The following ELAPOR2 variants were observed in gnomAD, a reference collection of about 807,000 sequenced individuals.
The protein encoded by ELAPOR2 is endosome/lysosome-associated apoptosis and autophagy regulator family member 2.
ELAPOR2 carries 89 observed loss-of-function variants against 120.7 expected under a neutral mutation model. The observed-to-expected ratio is 0.74, with a 90% CI of 0.62 to 0.88. The LOEUF is 0.88. ELAPOR2 is among the 40% of genes least tolerant of loss of function. The probability of loss-of-function intolerance (pLI) is 0.00; values close to 1 mark genes in which losing one functional copy is unlikely to be tolerated. For missense variants in ELAPOR2, 1,134 were observed against 1,251.6 expected (o/e 0.91, Z 1.42); for synonymous variants, 444 against 444.9 (o/e 1.00, Z 0.03).
At chr7:86,977,151 T>C (rs1792309576) in intron 1 of ELAPOR2, among the ~76,000 whole-genome samples, 1 of 152,242 alleles carries the variant, frequency 6.6e-6, no homozygotes, top group South Asian at 2.1e-4. Flanking sequence ...ATATCAATCA[T>C]TGTGCTAAGT....
At chr7:86,939,968 A>G in intron 6 of ELAPOR2, 42 bp downstream of exon 6, 1 of 1,223,908 alleles carries the variant, frequency 8.2e-7, no homozygotes, top group Non-Finnish European at 1.2e-6. Context: ...ACTAACTGTA[A>G]GATGTGACTG....
In ELAPOR2 at chr7:86,913,108, C is replaced by T. The variant is rs778431064; in HGVS notation, c.1828G>A (p.Gly610Ser). The change falls in exon 14 of 22, where the codon GGT becomes AGT. Residue 610 changes from glycine to serine, a missense_variant. Gly to Ser is a moderately conservative substitution (Grantham distance 56). Transcript: ENST00000450689. ...CACGATGAACCCGACTGTTCAGAAC[C>T]GAGGGCACAGGCACGGCATGAGGAC... The part of the protein sequence containing the change: ...VASSCRACAL[G>S]SEQSGSSCVP... The T allele has an allele frequency of 2.6e-5, 42 of 1,613,876 alleles. 1 individual carries two copies. The Middle Eastern group carries it at 2.3e-3, about 88-fold the overall frequency.
Position 86,897,525 on chromosome 7 carries a change from G to A in ELAPOR2, c.2666C>T (p.Ala889Val). The A allele has an allele frequency of 6.2e-7, 1 of 1,612,594 alleles. No individual in the cohort carries two copies. The highest frequency in any genetic ancestry group is 8.5e-7 in the Non-Finnish European group (1 of 1,179,182). ...CCTTACCTGAAATCCTCTCTTGCAG[G>A]CTCCCTCAATCTCATGGAAGTCATG... The part of the protein sequence containing the change: ...TEHDFHEIEG[A>V]CKRGFQETLY... Residue 889 changes from alanine to valine, a missense_variant, in exon 19 of 22, where the codon GCC (alanine) becomes GTC (valine). Transcript: ENST00000450689.
chr7:86,922,526 T>A (rs1012756257), intron 10 of ELAPOR2, among the ~76,000 whole-genome samples: 1 of 151,912 alleles, frequency 6.6e-6, no homozygotes, highest in Non-Finnish European at 1.5e-5. Flanking sequence ...TTTCAACGCA[T>A]ACATGTTTTT....
intron 1 of ELAPOR2, among the ~76,000 whole-genome samples, chr7:87,056,712 G>A (rs1795274399): frequency 6.6e-6 from 1 of 152,286 alleles, no homozygotes; most frequent in South Asian, 2.1e-4. Flanking sequence ...CCATAACCTA[G>A]TTTTTGAAGG....
intron 8 of ELAPOR2, among the ~76,000 whole-genome samples, chr7:86,937,432 T>C (rs1164622302): frequency 6.6e-6 from 1 of 152,112 alleles, no homozygotes; most frequent in East Asian, 1.9e-4. Flanking sequence ...CAACGCTCCA[T>C]AGCAGCCACT....
rs1490487272 is a variant in ELAPOR2, at chr7:87,049,289, TA to T, written c.189+10035del. Among the ~76,000 whole-genome samples, 19 of 50,000 alleles carry T rather than the reference TA, an allele frequency of 3.8e-4. No homozygotes were observed. In the South Asian group the frequency reaches 9.5e-3, roughly 25 times the overall value. The allele number at this position is 50,000 out of a possible 152,430, so 32.8% of individuals were successfully genotyped here. A position where few individuals can be genotyped will look rare whatever the true frequency, so the allele number is the denominator to read the frequency against. The stretch of plus-strand genomic sequence containing the variant: ...GGATTGAAATTTTATTTTATTTATT[TA>T]TTTTTTTTTGAGACCGAGCCTCGCT... On this transcript the variant is annotated intron_variant, in intron 1 of 21. Coordinates refer to ENST00000450689, the MANE Select transcript of ELAPOR2 (RefSeq NM_001142749.3).
chr7:87,056,537 G>T, intron 1 of ELAPOR2, among the ~76,000 whole-genome samples: 1 of 152,270 alleles, frequency 6.6e-6, no homozygotes, highest in South Asian at 2.1e-4. Context: ...CTGTTTGTGC[G>T]TGTGCTTCCA....
intron 2 of ELAPOR2, 79 bp downstream of exon 2, chr7:86,964,825 T>C: frequency 1.4e-6 from 2 of 1,468,850 alleles, no homozygotes; most frequent in South Asian, 1.2e-5. Flanking sequence ...CCTACATTCA[T>C]TATAATTAAC....
intron 1 of ELAPOR2, among the ~76,000 whole-genome samples, chr7:87,043,561 AC>A (rs1475530361): frequency 4.7e-5 from 7 of 148,154 alleles, no homozygotes; most frequent in African/African-American, 9.9e-5. Context: ...AAATTCAACA[AC>A]CCTTCATGCT....
At chr7:86,986,063 C>A (rs1006662047) in intron 1 of ELAPOR2, among the ~76,000 whole-genome samples, 7 of 151,708 alleles carry the variant, frequency 4.6e-5, no homozygotes, top group African/African-American at 1.7e-4. Flanking sequence ...CTGGCCAGGG[C>A]AATCAGGCAA....
chr7:87,047,219 AAACT>A (rs1794981095), intron 1 of ELAPOR2, among the ~76,000 whole-genome samples: 1 of 152,250 alleles, frequency 6.6e-6, no homozygotes, highest in Non-Finnish European at 1.5e-5. Context: ...CGAAGACTTC[AAACT>A]AAGAAACTAC....
rs1284391372 is a variant in ELAPOR2 at position 86,879,099 on chromosome 7, A to C, written c.*1372T>G. ...CTCAGCCAATCACAACTATTTTTTT[A>C]AATCTGCATTAAGGTCTATAAAGAT... On this transcript the variant is annotated 3_prime_UTR_variant, in exon 22 of 22. Coordinates refer to ENST00000450689, the MANE Select transcript of ELAPOR2 (RefSeq NM_001142749.3). The C allele has an allele frequency of 6.6e-6, 1 of 152,150 alleles. No homozygotes were observed. The highest frequency in any genetic ancestry group is 1.5e-5 in the Non-Finnish European group (1 of 68,018). The allele number at this position is 152,150 out of a possible 1,614,324, so 9.4% of individuals were successfully genotyped here. A position where few individuals can be genotyped will look rare whatever the true frequency, so the allele number is the denominator to read the frequency against.
At chr7:87,006,925 A>C (rs1036699813) in intron 1 of ELAPOR2, among the ~76,000 whole-genome samples, 1 of 152,212 alleles carries the variant, frequency 6.6e-6, no homozygotes, top group African/African-American at 2.4e-5. Context: ...CTCAAAAAAC[A>C]TGATGTTGAG....
At chr7:86,941,753 G>C (rs369286990) in intron 5 of ELAPOR2, among the ~76,000 whole-genome samples, 15 of 151,924 alleles carry the variant, frequency 9.9e-5, no homozygotes, top group African/African-American at 3.6e-4. Flanking sequence ...ACTACAATGG[G>C]AAGGGGAAGG....
intron 1 of ELAPOR2, among the ~76,000 whole-genome samples, chr7:86,989,906 G>A (rs1376163144): frequency 3.3e-5 from 5 of 151,958 alleles, no homozygotes; most frequent in Non-Finnish European, 7.4e-5. Flanking sequence ...AGGAACTTTT[G>A]GTCAAATAGT....
Position 87,048,733 on chromosome 7 carries a change from G to A in ELAPOR2, c.189+10592C>T, listed in dbSNP as rs561943617. On this transcript the variant is annotated intron_variant, in intron 1 of 21. Transcript: ENST00000450689. ...TGCATGCCTGTATCAAAACAATCTC[G>A]TGTACCACATATATATCTACTATGT... 1.2e-4 allele frequency among the ~76,000 whole-genome samples: 19 copies of A among 152,080 alleles called. 1 individual carries two copies. Among genetic ancestry groups the A allele is most frequent in the East Asian group, 3.9e-4 (2 of 5,180 alleles).
chr7:87,035,401 C>T (rs1041174850), intron 1 of ELAPOR2, among the ~76,000 whole-genome samples: 22 of 152,154 alleles, frequency 1.4e-4, no homozygotes, highest in African/African-American at 5.1e-4. Flanking sequence ...GTCTACTACC[C>T]GCTAATCCAA....
Position 86,892,981 on chromosome 7 carries a change from T to C in ELAPOR2, c.2805A>G (p.Gly935=), listed in dbSNP as rs34354479. ...CCACCAGCAAAACGGCAGTAAAAGC[T>C]CCCACACCGGCTCCCACCTTCAGCC... The part of the protein sequence containing the change: ...DFWLKVGAGV[G]AFTAVLLVAL... The change falls in exon 20 of 22, where the codon GGA becomes GGG. Residue 935 remains glycine, a synonymous_variant. Coordinates refer to ENST00000450689, the MANE Select transcript of ELAPOR2 (RefSeq NM_001142749.3). The C allele has an allele frequency of 7.0e-5, 110 of 1,573,548 alleles. 2 individuals are homozygous for C. In the African/African-American group the frequency reaches 9.7e-4, roughly 14 times the overall value.
Sources: gnomAD v4.1 joint callset for allele counts (sites outside exome capture counted in the v4.1 genomes callset) on GRCh38, gnomAD v4.1.1 for gene constraint, MANE v1.5 for transcripts, NCBI Gene and HGNC (gene_info 2026-07-23, HGNC 2026-07-21) for gene names.